The following UNC5C variants were observed in gnomAD, a reference collection of about 807,000 sequenced individuals.
UNC5C encodes netrin receptor UNC5C.
In UNC5C, 47 loss-of-function variants were observed where a neutral mutation model predicts 99.8. The observed-to-expected ratio is 0.47, with a 90% confidence interval of 0.37 to 0.60. UNC5C has a LOEUF of 0.60. Ranked by LOEUF, UNC5C falls within the 20% of genes least tolerant of loss-of-function variation. The pLI, the probability that UNC5C is intolerant of heterozygous loss-of-function variation, is 0.00. For synonymous variants in UNC5C, 487 were observed against 452.2 expected, an observed-to-expected ratio of 1.08 and a Z score of -0.98; for missense variants, 1,062 against 1,165.9, an observed-to-expected ratio of 0.91 and a Z score of 1.30.
chr4:95,448,295 G>A (rs1469306991), intron 1 of UNC5C, among the ~76,000 whole-genome samples: 1 of 150,376 alleles, frequency 6.6e-6, no homozygotes, highest in Non-Finnish European at 1.5e-5. Context: ...TCTTCTGTGG[G>A]AAGAACAATG....
chr4:95,303,732 T>C (rs997456111), intron 2 of UNC5C, among the ~76,000 whole-genome samples: 4 of 152,176 alleles, frequency 2.6e-5, no homozygotes, highest in Admixed American at 1.3e-4. Context: ...TTTAAGCAAG[T>C]AGATGACATG....
intron 1 of UNC5C, among the ~76,000 whole-genome samples, chr4:95,466,854 A>C (rs1466262568): frequency 6.6e-6 from 1 of 152,178 alleles, no homozygotes; most frequent in Non-Finnish European, 1.5e-5. Context: ...TAGCCATTCA[A>C]GAGGTGGAGT....
At chr4:95,340,857 C>T (rs1259874215) in intron 1 of UNC5C, among the ~76,000 whole-genome samples, 1 of 152,080 alleles carries the variant, frequency 6.6e-6, no homozygotes, top group Admixed American at 6.6e-5. Context: ...TCATCTCTAC[C>T]TCTGCCATGT....
chr4:95,463,369 CT>C (rs944262234), intron 1 of UNC5C, among the ~76,000 whole-genome samples: 13 of 152,104 alleles, frequency 8.5e-5, no homozygotes, highest in African/African-American at 3.1e-4. Flanking sequence ...ATGCCAGGCT[CT>C]CCTGATTTAA....
In UNC5C at chr4:95,516,530, G is replaced by A. The variant is rs114664511; in HGVS notation, c.124+32204C>T. On this transcript the variant is annotated intron_variant, in intron 1 of 15. Coordinates refer to ENST00000453304, the MANE Select transcript of UNC5C (RefSeq NM_003728.4). ...AAATTCCCTGTTTTCGGAGACATTT[G>A]ATTGGTGTATGGTGAAAGCTGGGGG... Among the ~76,000 whole-genome samples, 826 of 152,300 alleles carry A rather than the reference G, an allele frequency of 5.4e-3. 9 individuals are homozygous for A. Among genetic ancestry groups the A allele is most frequent in the African/African-American group, 0.019 (781 of 41,568 alleles).
At chr4:95,449,179 C>T (rs1373547833) in intron 1 of UNC5C, among the ~76,000 whole-genome samples, 1 of 152,204 alleles carries the variant, frequency 6.6e-6, no homozygotes, top group Admixed American at 6.5e-5. Context: ...AGAAAGACCA[C>T]TGTTACCTGG....
rs530929127 is a variant in UNC5C at position 95,352,922 on chromosome 4, A to G, written c.125-17291T>C. Among the ~76,000 whole-genome samples, 4 of 152,260 alleles carry G rather than the reference A, an allele frequency of 2.6e-5. No homozygotes were observed. In the South Asian group the frequency reaches 6.2e-4, roughly 24 times the overall value. On this transcript the variant is annotated intron_variant, in intron 1 of 15. Transcript: ENST00000453304. ...ATTAGCATTCCCAAATGAATGTGGAATTATAACAGCTTCTGCTGGAAACTT... is the reference window on the plus strand; with the variant it reads ...ATTAGCATTCCCAAATGAATGTGGAGTTATAACAGCTTCTGCTGGAAACTT...
rs536024345 is a variant in UNC5C at position 95,272,725 on chromosome 4, C to T, written c.594+5534G>A. Among the ~76,000 whole-genome samples, 16 of 152,286 alleles carry T rather than the reference C, an allele frequency of 1.1e-4. No homozygotes were observed. The South Asian group carries it at 2.3e-3, about 22-fold the overall frequency. Reference sequence around the variant, plus strand: ...CAAAACTCTGTCTTGTAGCTACACACGTGGTAGCAGAAAATTCCAATGGGT... The same window carrying T: ...CAAAACTCTGTCTTGTAGCTACACATGTGGTAGCAGAAAATTCCAATGGGT... On this transcript the variant is annotated intron_variant, in intron 4 of 15. Transcript: ENST00000453304.
At chr4:95,523,909 C>A (rs975550977) in intron 1 of UNC5C, among the ~76,000 whole-genome samples, 5 of 150,778 alleles carry the variant, frequency 3.3e-5, no homozygotes, top group Admixed American at 6.6e-5. Context: ...ATTTTTTTTC[C>A]TGGAAGAAAA....
At chr4:95,283,367 A>G (rs1225284274) in intron 3 of UNC5C, among the ~76,000 whole-genome samples, 1 of 152,174 alleles carries the variant, frequency 6.6e-6, no homozygotes, top group Non-Finnish European at 1.5e-5. Flanking sequence ...ATGATCTCAC[A>G]TTTAACCCCC....
chr4:95,453,542 C>A (rs941777465), intron 1 of UNC5C, among the ~76,000 whole-genome samples: 1 of 151,980 alleles, frequency 6.6e-6, no homozygotes, highest in East Asian at 1.9e-4. Context: ...CCAGTAAAAT[C>A]ATTTCTTCAT....
intron 1 of UNC5C, among the ~76,000 whole-genome samples, chr4:95,372,315 G>A (rs1412769486): frequency 2.0e-5 from 3 of 152,152 alleles, no homozygotes; most frequent in Non-Finnish European, 4.4e-5. Flanking sequence ...ATTACCTAAA[G>A]TAAATTGCTT....
intron 12 of UNC5C, among the ~76,000 whole-genome samples, chr4:95,192,503 T>TCCTCCCCTGCTCACCTCCTCC: frequency 8.7e-6 from 1 of 115,076 alleles, no homozygotes; most frequent in Non-Finnish European, 1.8e-5. Context: ...TTCTCACCTC[T>TCCTCCCCTGCTCACCTCCTCC]CCTCCCCTGC....
chr4:95,525,067 T>G (rs1288696667), intron 1 of UNC5C, among the ~76,000 whole-genome samples: 1 of 151,944 alleles, frequency 6.6e-6, no homozygotes, highest in African/African-American at 2.4e-5. Context: ...CTCCAAATGC[T>G]CCTGTCAAAA....
At chr4:95,483,186 A>T (rs1178940136) in intron 1 of UNC5C, among the ~76,000 whole-genome samples, 2 of 151,642 alleles carry the variant, frequency 1.3e-5, no homozygotes, top group African/African-American at 4.8e-5. Context: ...CCATTCAGGC[A>T]TAAAAATCCT....
chr4:95,391,663 A>G (rs1301379560), intron 1 of UNC5C, among the ~76,000 whole-genome samples: 1 of 152,046 alleles, frequency 6.6e-6, no homozygotes, highest in Non-Finnish European at 1.5e-5. Context: ...GATTTAGTAG[A>G]CAGTGTCATA....
chr4:95,219,239 C>T lies in UNC5C; in HGVS notation c.1375G>A (p.Val459Ile), dbSNP rs767365642. 28 of 1,614,006 alleles carry T rather than the reference C, an allele frequency of 1.7e-5. No homozygotes were observed. Among genetic ancestry groups the T allele is most frequent in the Middle Eastern group, 3.3e-4 (2 of 6,084 alleles). Residue 459 changes from valine to isoleucine, a missense_variant, in exon 9 of 16, where the codon GTC becomes ATC. Physicochemically the swap from Val to Ile is conservative, Grantham distance 29. Coordinates refer to ENST00000453304, the MANE Select transcript of UNC5C (RefSeq NM_003728.4). Reference protein sequence around the residue: ...YRGPVYALHDVSDKIPMTNSP... With the variant: ...YRGPVYALHDISDKIPMTNSP... ...TTGGTCATTGGGATTTTGTCTGAGA[C>T]GTCATGCAGGGCATAGACAGGTCCT...
chr4:95,321,645 C>T (rs79437692), intron 2 of UNC5C, among the ~76,000 whole-genome samples: 2,025 of 152,064 alleles, frequency 0.013, 44 homozygotes, highest in African/African-American at 0.046. Context: ...GTTCAGTATC[C>T]CATGGGGAAG....
At chr4:95,301,773 T>C in intron 2 of UNC5C, 24 bp from the exon 3 acceptor site, 1 of 1,608,980 alleles carries the variant, frequency 6.2e-7, no homozygotes, top group Middle Eastern at 2.2e-4. Context: ...AAGAAAGATT[T>C]AAGTCAACAC....
Sources: allele counts gnomAD v4.1 joint callset (sites outside exome capture counted in the v4.1 genomes callset), GRCh38; gene constraint gnomAD v4.1.1; transcripts MANE v1.5; gene names NCBI Gene and HGNC (gene_info 2026-07-23, HGNC 2026-07-21).